Variants in WWOX observed in about 807,000 individuals in gnomAD.
WWOX encodes WW domain containing oxidoreductase.
A neutral mutation model predicts 46.2 loss-of-function variants in WWOX; 69 were observed. That is an observed-to-expected ratio of 1.49 (90% CI 1.23 to 1.82). WWOX has a LOEUF of 1.82. WWOX is among the 40% of genes most tolerant of loss of function. WWOX has a pLI of 0.00. For synonymous variants in WWOX, 359 were observed against 202.6 expected (o/e 1.77, Z -6.56); for missense variants, 919 against 542.6 (o/e 1.69, Z -6.89).
intron 8 of WWOX, among the ~76,000 whole-genome samples, chr16:79,210,967 G>A (rs1597486762): frequency 6.6e-6 from 1 of 151,954 alleles, no homozygotes; most frequent in East Asian, 1.9e-4. Flanking sequence ...TTTAGAAAAA[G>A]GTTTTCATGG....
chr16:78,758,781 T>C (rs908166132), intron 8 of WWOX, among the ~76,000 whole-genome samples: 1 of 152,106 alleles, frequency 6.6e-6, no homozygotes, highest in East Asian at 1.9e-4. Flanking sequence ...AGGGCAATGA[T>C]GTATACAAGA....
intron 8 of WWOX, among the ~76,000 whole-genome samples, chr16:79,179,940 G>C (rs181926769): frequency 5.9e-5 from 9 of 152,174 alleles, no homozygotes; most frequent in African/African-American, 2.2e-4. Flanking sequence ...GGACACACAG[G>C]TGATGAAGTT....
chr16:79,004,887 G>T (rs1303518991), intron 8 of WWOX, among the ~76,000 whole-genome samples: 2 of 152,134 alleles, frequency 1.3e-5, no homozygotes, highest in Admixed American at 1.3e-4. Context: ...TGTAATTTTG[G>T]GGGGGTTAAT....
rs58757252 is a variant in WWOX at position 78,833,386 on chromosome 16, T to G, written c.1057-378222T>G. On this transcript the variant is annotated intron_variant, in intron 8 of 8. Coordinates refer to ENST00000566780, the MANE Select transcript of WWOX (RefSeq NM_016373.4). Reference sequence around the variant, plus strand: ...TCCTGCATACAGCTTGTTTCTCTAATGTGGCTGTTCTCATGTTTACTTAAT... The same window carrying G: ...TCCTGCATACAGCTTGTTTCTCTAAGGTGGCTGTTCTCATGTTTACTTAAT... Among the ~76,000 whole-genome samples the G allele has an allele frequency of 5.3e-3, 803 of 152,098 alleles. 6 individuals carry two copies. The highest frequency in any genetic ancestry group is 0.019 in the African/African-American group (769 of 41,484).
intron 8 of WWOX, among the ~76,000 whole-genome samples, chr16:78,584,612 A>G (rs1383730672): frequency 1.3e-5 from 2 of 152,198 alleles, no homozygotes; most frequent in African/African-American, 4.8e-5. Flanking sequence ...GTGAAAGAAG[A>G]CAGACTGTTA....
rs1003962405 is a variant in WWOX at position 79,126,954 on chromosome 16, A to G, written c.1057-84654A>G. Among the ~76,000 whole-genome samples the G allele has an allele frequency of 3.3e-5, 5 of 152,190 alleles. No homozygotes were observed. In the East Asian group the frequency reaches 9.6e-4, roughly 29 times the overall value. On this transcript the variant is annotated intron_variant, in intron 8 of 8. Transcript: ENST00000566780. ...AGTAATTTATGTATCACAGTTGCCT[A>G]GAGAAGACAGAAAATAGGTGCCTGG...
chr16:78,186,824 C>T (rs1291075714), intron 5 of WWOX, among the ~76,000 whole-genome samples: 2 of 152,152 alleles, frequency 1.3e-5, no homozygotes, highest in East Asian at 1.9e-4. Flanking sequence ...ATAGAAGTTG[C>T]GAAGAATAGT....
chr16:79,068,188 C>T (rs2048477338), intron 8 of WWOX, among the ~76,000 whole-genome samples: 1 of 152,074 alleles, frequency 6.6e-6, no homozygotes, highest in Non-Finnish European at 1.5e-5. Context: ...GGTGAATGAC[C>T]CTGTAATCCT....
At chr16:78,991,406 C>T (rs867515598) in intron 8 of WWOX, among the ~76,000 whole-genome samples, 2 of 151,966 alleles carry the variant, frequency 1.3e-5, no homozygotes, top group African/African-American at 4.8e-5. Context: ...CCAGCCTGGT[C>T]AACACAAGGA....
chr16:79,029,106 G>T (rs1294992299), intron 8 of WWOX, among the ~76,000 whole-genome samples: 1 of 152,172 alleles, frequency 6.6e-6, no homozygotes, highest in Non-Finnish European at 1.5e-5. Flanking sequence ...GCCAGCTGAG[G>T]TATCTCAGGA....
intron 8 of WWOX, among the ~76,000 whole-genome samples, chr16:78,824,026 T>C (rs923287815): frequency 1.3e-5 from 2 of 152,140 alleles, no homozygotes; most frequent in African/African-American, 4.8e-5. Flanking sequence ...CCTCCTGCCT[T>C]GATAGACGTG....
At chr16:78,479,125 A>T (rs1387084800) in intron 8 of WWOX, among the ~76,000 whole-genome samples, 1 of 152,196 alleles carries the variant, frequency 6.6e-6, no homozygotes, top group African/African-American at 2.4e-5. Context: ...GGAAAAAAAA[A>T]TAAACATACA....
chr16:78,129,265 A>T (rs1053375423), intron 4 of WWOX, among the ~76,000 whole-genome samples: 2 of 149,446 alleles, frequency 1.3e-5, no homozygotes, highest in African/African-American at 2.4e-5. Context: ...TTAGTGATTG[A>T]CTTACCCGAG....
At chr16:78,474,270 T>A (rs2084303567) in intron 8 of WWOX, among the ~76,000 whole-genome samples, 1 of 152,234 alleles carries the variant, frequency 6.6e-6, no homozygotes, top group Non-Finnish European at 1.5e-5. Flanking sequence ...GGACATTTTA[T>A]GCTAAAGTTC....
At chr16:79,039,478 G>A (rs915502994) in intron 8 of WWOX, among the ~76,000 whole-genome samples, 15 of 152,136 alleles carry the variant, frequency 9.9e-5, no homozygotes, top group African/African-American at 2.9e-4. Context: ...CAGAGGCGAC[G>A]CATTTGCCCA....
chr16:78,686,474 G>T (rs1262064975), intron 8 of WWOX, among the ~76,000 whole-genome samples: 2 of 151,286 alleles, frequency 1.3e-5, no homozygotes, highest in Admixed American at 1.3e-4. Flanking sequence ...TGGTGCCACT[G>T]TACTCCAGCC....
chr16:78,921,427 G>C (rs1413846738), intron 8 of WWOX, among the ~76,000 whole-genome samples: 1 of 152,206 alleles, frequency 6.6e-6, no homozygotes, highest in Non-Finnish European at 1.5e-5. Context: ...ATAGAATCCT[G>C]AAGCATTTGA....
At chr16:78,644,482 A>G (rs936808543) in intron 8 of WWOX, among the ~76,000 whole-genome samples, 2 of 151,652 alleles carry the variant, frequency 1.3e-5, no homozygotes, top group African/African-American at 4.8e-5. Context: ...TCTTTTTGAG[A>G]CAGAGTTTTG....
chr16:78,406,057 C>G (rs1173285638), intron 6 of WWOX, among the ~76,000 whole-genome samples: 1 of 151,948 alleles, frequency 6.6e-6, no homozygotes, highest in Non-Finnish European at 1.5e-5. Context: ...GAGGGTGTCT[C>G]ACGTGAAAGT....
Sources: allele counts gnomAD v4.1 joint callset (sites outside exome capture counted in the v4.1 genomes callset), GRCh38; gene constraint gnomAD v4.1.1; transcripts MANE v1.5; gene names NCBI Gene and HGNC (gene_info 2026-07-23, HGNC 2026-07-21).